The following C10orf143 variants were observed in gnomAD, a reference collection of about 807,000 sequenced individuals.
C10orf143 encodes chromosome 10 open reading frame 143.
chr10:130,047,426 T>G (rs1349376593), intron 3 of C10orf143, among the ~76,000 whole-genome samples: 1 of 152,210 alleles, frequency 6.6e-6, no homozygotes, highest in Non-Finnish European at 1.5e-5. Context: ...TGTAAGGCAC[T>G]GAGCGGGGCT....
intron 3 of C10orf143, among the ~76,000 whole-genome samples, chr10:130,045,832 TC>T (rs1860662935): frequency 6.6e-6 from 1 of 152,162 alleles, no homozygotes; most frequent in South Asian, 2.1e-4. Flanking sequence ...TGGCTTCCAC[TC>T]CCAGGAAGTC....
chr10:130,075,661 CAT>C (rs1468644644), intron 3 of C10orf143, among the ~76,000 whole-genome samples: 1 of 152,190 alleles, frequency 6.6e-6, no homozygotes, highest in Non-Finnish European at 1.5e-5. Context: ...ATACTCCACA[CAT>C]GTTGGAAGGG....
chr10:130,106,230 G>T (rs1436936710), intron 1 of C10orf143: 1 of 1,379,012 alleles, frequency 7.3e-7, no homozygotes. Context: ...CTGTGGAGAA[G>T]TTTTAGATCG....
chr10:130,060,865 C>T (rs1242783478), downstream of C10orf143, among the ~76,000 whole-genome samples: 7 of 149,808 alleles, frequency 4.7e-5, no homozygotes, highest in African/African-American at 1.2e-4. Flanking sequence ...AGGCCGGGCG[C>T]GGTGGCTCAC....
At chr10:130,040,513 C>T (rs936218404) in intron 3 of C10orf143, among the ~76,000 whole-genome samples, 1 of 152,196 alleles carries the variant, frequency 6.6e-6, no homozygotes, top group South Asian at 2.1e-4. Context: ...GACTCTCCAC[C>T]GCACCCTGCA....
At chr10:130,061,544 C>T (rs1484949457), downstream of C10orf143, among the ~76,000 whole-genome samples, 3 of 152,072 alleles carry the variant, frequency 2.0e-5, no homozygotes, top group Admixed American at 6.5e-5. Flanking sequence ...GCCCCTATAT[C>T]CCCCCAAAAG....
chr10:130,063,576 T>A (rs1343670701), downstream of C10orf143, among the ~76,000 whole-genome samples: 1 of 152,160 alleles, frequency 6.6e-6, no homozygotes. Flanking sequence ...ATCTTTCCCG[T>A]ATGGAACTCT....
At position 130,056,678 on chromosome 10, in the gene C10orf143, G is replaced by T. The variant is rs182564627; in HGVS notation, c.298-20708C>A. 1.3e-4 allele frequency among the ~76,000 whole-genome samples: 20 copies of T among 151,138 alleles called. No individual in the cohort carries two copies. The highest frequency in any genetic ancestry group is 2.1e-4 in the South Asian group (1 of 4,780). On this transcript the variant is annotated intron_variant and NMD_transcript_variant, in intron 3 of 5. Coordinates refer to the C10orf143 transcript ENST00000643056. The surrounding 1 kb of genome is among the most constrained non-coding windows in gnomAD (Gnocchi z 4.6). ...GCTCTCTTGGCTCACTGCAAGCTCC[G>T]CCTCCTGGGTTCATGCCATTCTCCT...
rs552114078 is a variant in C10orf143, at chr10:130,056,566, AT to A, written c.298-20597del. On this transcript the variant is annotated intron_variant and NMD_transcript_variant, in intron 3 of 5. Transcript: ENST00000643056. The surrounding 1 kb of genome is among the most constrained non-coding windows in gnomAD (Gnocchi z 4.6). ...CCATTGAGAGTTTTTTATTTCTTTC[AT>A]TTTTTTAAATTAAATTAAATCTATT... Among the ~76,000 whole-genome samples, 1 of 152,122 alleles carries A rather than the reference AT, an allele frequency of 6.6e-6. No homozygotes were observed. The highest frequency in any genetic ancestry group is 2.4e-5 in the African/African-American group (1 of 41,402).
chr10:130,101,242 T>G (rs1051457668), intron 1 of C10orf143: 6 of 151,866 alleles, frequency 4.0e-5, no homozygotes, highest in African/African-American at 1.2e-4. Flanking sequence ...ATCTATCTAT[T>G]TATCTAGGCT....
chr10:130,056,433 C>A lies in C10orf143; in HGVS notation c.298-20463G>T, dbSNP rs1414049985. Among the ~76,000 whole-genome samples the A allele has an allele frequency of 6.6e-6, 1 of 152,074 alleles. No homozygotes were observed. Among genetic ancestry groups the A allele is most frequent in the East Asian group, 1.9e-4 (1 of 5,196 alleles). On this transcript the variant is annotated intron_variant and NMD_transcript_variant, in intron 3 of 5. Coordinates refer to the C10orf143 transcript ENST00000643056. The surrounding 1 kb of genome is among the most constrained non-coding windows in gnomAD (Gnocchi z 4.6). ...CTGAGTCAAGCGTTCAGTGAATACC[C>A]CAGGACCTTCATGTGGGTGACTGAG...
At chr10:130,075,872 A>T (rs1045596319) in intron 3 of C10orf143, among the ~76,000 whole-genome samples, 3 of 152,070 alleles carry the variant, frequency 2.0e-5, no homozygotes, top group Non-Finnish European at 4.4e-5. Flanking sequence ...GAGGCCTCCC[A>T]GCCATGCTTC....
At chr10:130,097,984 G>A (rs1009954170) in intron 1 of C10orf143, among the ~76,000 whole-genome samples, 9 of 150,114 alleles carry the variant, frequency 6.0e-5, no homozygotes, top group Non-Finnish European at 1.3e-4. Context: ...TTGCACAGCT[G>A]TAAATTTACT....
At chr10:130,049,574 C>T (rs778563192) in intron 3 of C10orf143, among the ~76,000 whole-genome samples, 3 of 152,118 alleles carry the variant, frequency 2.0e-5, no homozygotes, top group Admixed American at 2.0e-4. Flanking sequence ...GCTTGGGGAC[C>T]GGAGCCCCCA....
intron 1 of C10orf143, chr10:130,106,044 C>T: frequency 1.8e-6 from 1 of 544,746 alleles, no homozygotes; most frequent in Non-Finnish European, 3.6e-6. Flanking sequence ...AGCCTTGGCG[C>T]TATGTTGGAG....
rs1191902923 is a variant in C10orf143 at position 130,056,132 on chromosome 10, T to C, written c.298-20162A>G. Among the ~76,000 whole-genome samples, 1 of 152,164 alleles carries C rather than the reference T, an allele frequency of 6.6e-6. No individual in the cohort carries two copies. The highest frequency in any genetic ancestry group is 1.9e-4 in the East Asian group (1 of 5,200). On this transcript the variant is annotated intron_variant and NMD_transcript_variant, in intron 3 of 5. Transcript: ENST00000643056. This position sits in a 1 kb window ranked among gnomAD's most constrained non-coding sequence, Gnocchi z 4.6. ...ATAAATGAGTAAATGCAATTTAAAG[T>C]AAGTAAATTTAGATGTCAGAAAGGA...
At chr10:130,079,503 T>G (rs963050432) in intron 3 of C10orf143, 63 bp downstream of exon 3, 2 of 398,702 alleles carry the variant, frequency 5.0e-6, no homozygotes, top group Non-Finnish European at 8.8e-6. Context: ...CTTTGTTTTA[T>G]GGATCTAATA....
chr10:130,108,538 C>T (rs1040636639), intron 1 of C10orf143: 4 of 627,016 alleles, frequency 6.4e-6, no homozygotes, highest in African/African-American at 5.6e-5. Context: ...CACTTTTGCT[C>T]AAATTGAAAC....
chr10:130,058,313 G>A (rs1271810262), intron 3 of C10orf143, among the ~76,000 whole-genome samples: 1 of 152,164 alleles, frequency 6.6e-6, no homozygotes, highest in Non-Finnish European at 1.5e-5. Context: ...ATCTGACTGT[G>A]GACAAGTGAT....
Sources: allele counts gnomAD v4.1 joint callset (sites outside exome capture counted in the v4.1 genomes callset), GRCh38; gene constraint gnomAD v4.1.1; non-coding constraint Gnocchi (gnomAD v3.1); transcripts MANE v1.5; gene names NCBI Gene and HGNC (gene_info 2026-07-23, HGNC 2026-07-21).